NAV1: variants seen among roughly 807,000 people sequenced by gnomAD.
NAV1 encodes neuron navigator 1, also known as pore membrane and/or filament interacting like protein 3.
NAV1 carries 18 observed loss-of-function variants against 175.2 expected under a neutral mutation model. The ratio of observed to expected loss-of-function variants is 0.10; its 90% confidence interval spans 0.07 to 0.15. The LOEUF (loss-of-function observed/expected upper bound fraction) is 0.15, where lower values mean the gene tolerates loss of function less well. Ranked by LOEUF, NAV1 falls within the 10% of genes least tolerant of loss-of-function variation. The pLI, the probability that NAV1 is intolerant of heterozygous loss-of-function variation, is 1.00. For missense variants in NAV1, 1,731 were observed against 2,436.6 expected (o/e 0.71, Z 6.10); for synonymous variants, 897 against 978.7 (o/e 0.92, Z 1.56).
rs1017690765 is a variant in NAV1, at chr1:201,661,469, TG to T, written c.757+12046del. 2.0e-5 allele frequency among the ~76,000 whole-genome samples: 3 copies of T among 152,196 alleles called. 1 individual carries two copies. Among genetic ancestry groups the T allele is most frequent in the African/African-American group, 7.2e-5 (3 of 41,512 alleles). ...TGTACAGGAAGAAATAGGGCCAAAA[TG>T]GCTGGGATGAGGATAACTAGAATGG... On this transcript the variant is annotated intron_variant, in intron 1 of 29. Transcript: ENST00000367296.
At chr1:201,819,771 T>TTTCCCTTC in intron 29 of NAV1, 66 bp from the exon 34 acceptor site, 1 of 1,413,926 alleles carries the variant, frequency 7.1e-7, no homozygotes, top group Admixed American at 1.7e-5. Context: ...GTTGTTGTTG[T>TTTCCCTTC]TTCCCTTCTG....
chr1:201,614,066 G>C (rs1316015672), intron 2 of NAV1, among the ~76,000 whole-genome samples: 1 of 151,778 alleles, frequency 6.6e-6, no homozygotes, highest in Admixed American at 6.6e-5. Flanking sequence ...GGGGGCGAGT[G>C]GGGAGAGGGG....
intron 2 of NAV1, among the ~76,000 whole-genome samples, chr1:201,602,804 T>G (rs1667563428): frequency 6.6e-6 from 1 of 151,902 alleles, no homozygotes; most frequent in Non-Finnish European, 1.5e-5. Flanking sequence ...ACCCCTCAGC[T>G]CCTACTCACA....
Position 201,657,396 on chromosome 1 carries a change from A to T in NAV1, c.757+7971A>T, listed in dbSNP as rs75990045. Among the ~76,000 whole-genome samples, 40 of 152,382 alleles carry T rather than the reference A, an allele frequency of 2.6e-4. No homozygotes were observed. In the East Asian group the frequency reaches 6.7e-3, roughly 26 times the overall value. ...CTGAATTTGCTCTCTGGATGCTTAC[A>T]GATGAAGCTAGCCTGCATTTCCCAG... On this transcript the variant is annotated intron_variant, in intron 1 of 29. Coordinates refer to ENST00000367296, the Ensembl canonical transcript of NAV1.
rs1553247053 is a variant in NAV1 at position 201,642,525 on chromosome 1, T to TTTTTCTTTCTTTCTTTC, written c.5-6106_5-6105insTCTTTCTTTCTTTCTTT. Among the ~76,000 whole-genome samples the TTTTTCTTTCTTTCTTTC allele has an allele frequency of 6.7e-4, 67 of 100,406 alleles. 1 individual carries two copies. Among genetic ancestry groups the TTTTTCTTTCTTTCTTTC allele is most frequent in the African/African-American group, 2.7e-3 (62 of 23,212 alleles). 65.9% of individuals were successfully genotyped at this position (100,406 alleles called of 152,430 possible). A position where few individuals can be genotyped will look rare whatever the true frequency, so the allele number is the denominator to read the frequency against. On this transcript the variant is annotated intron_variant, in intron 2 of 29. Transcript: ENST00000367302. ...CCGCACCCGGCCTCTTTCTTTCTTTTTTTCTTTCTTTCTTTCTTTCTTTCT... is the reference window on the plus strand; with the variant it reads ...CCGCACCCGGCCTCTTTCTTTCTTTTTTTTCTTTCTTTCTTTCTTTCTTTCTTTCTTTCTTTCTTTCT...
In NAV1 at chr1:201,648,625, T is replaced by C. The variant is rs982158749; in HGVS notation, c.-44T>C. 5 of 1,285,224 alleles carry C rather than the reference T, an allele frequency of 3.9e-6. No homozygotes were observed. Among genetic ancestry groups the C allele is most frequent in the South Asian group, 2.7e-5 (1 of 36,580 alleles). 79.6% of individuals were successfully genotyped at this position (1,285,224 alleles called of 1,614,324 possible). A position where few individuals can be genotyped will look rare whatever the true frequency, so the allele number is the denominator to read the frequency against. On this transcript the variant is annotated 5_prime_UTR_variant, in exon 1 of 30. Coordinates refer to ENST00000367296, the Ensembl canonical transcript of NAV1. The stretch of plus-strand genomic sequence containing the variant: ...TCCCGCCCCCTGCCCCCTCCCCCCG[T>C]GCCTGCAGACGCGCGGATCGTCCAT...
intron 2 of NAV1, among the ~76,000 whole-genome samples, chr1:201,598,027 G>A (rs559921257): frequency 1.3e-5 from 2 of 152,304 alleles, no homozygotes; most frequent in South Asian, 2.1e-4. Context: ...TGTCTACTAC[G>A]TGCCAGGCAT....
intron 1 of NAV1, among the ~76,000 whole-genome samples, chr1:201,698,955 G>A (rs1304368400): frequency 1.3e-5 from 2 of 152,208 alleles, no homozygotes; most frequent in Non-Finnish European, 2.9e-5. Flanking sequence ...ACCTGAAGAC[G>A]GGCCCGCTCT....
At position 201,718,371 on chromosome 1, in the gene NAV1, C is replaced by G; in HGVS notation, c.861-19C>G. 1 of 1,518,368 alleles carries G rather than the reference C, an allele frequency of 6.6e-7. No individual in the cohort carries two copies. The highest frequency in any genetic ancestry group is 8.8e-7 in the Non-Finnish European group (1 of 1,130,072). The allele number at this position is 1,518,368 out of a possible 1,614,324, so 94.1% of individuals were successfully genotyped here. A position where few individuals can be genotyped will look rare whatever the true frequency, so the allele number is the denominator to read the frequency against. The stretch of plus-strand genomic sequence containing the variant: ...CGGCTGTGCCAAGGACTAAGTAGTG[C>G]CTTCTGCTCTCCACCCAGCTCCCTG... On this transcript the variant is annotated intron_variant, in intron 2 of 29. Coordinates refer to ENST00000367296, the Ensembl canonical transcript of NAV1. This position sits in a 1 kb window ranked among gnomAD's most constrained non-coding sequence, Gnocchi z 4.8.
chr1:201,774,155 T>C (rs1675779430), intron 3 of NAV1, among the ~76,000 whole-genome samples: 2 of 152,192 alleles, frequency 1.3e-5, no homozygotes, highest in Admixed American at 1.3e-4. Context: ...TTGAGATCTA[T>C]GTGAGAAACA....
At chr1:201,639,441 C>T (rs113972545) in intron 2 of NAV1, among the ~76,000 whole-genome samples, 4,192 of 152,288 alleles carry the variant, frequency 0.028, 79 homozygotes, top group Middle Eastern at 0.071. Context: ...GGAGAAACCC[C>T]GTGCCTTGTT....
At chr1:201,760,241 G>A (rs1346292322) in intron 3 of NAV1, among the ~76,000 whole-genome samples, 3 of 152,162 alleles carry the variant, frequency 2.0e-5, no homozygotes, top group African/African-American at 7.2e-5. Flanking sequence ...CCAGGCGGGT[G>A]GATCGCTTAA....
intron 1 of NAV1, among the ~76,000 whole-genome samples, chr1:201,569,353 C>T (rs1571825687): frequency 6.6e-6 from 1 of 152,198 alleles, no homozygotes; most frequent in African/African-American, 2.4e-5. Context: ...CAGCCCAGAG[C>T]TAGCTTCGAT....
chr1:201,631,271 C>T (rs1007128560), intron 2 of NAV1, among the ~76,000 whole-genome samples: 1 of 152,124 alleles, frequency 6.6e-6, no homozygotes, highest in African/African-American at 2.4e-5. Flanking sequence ...AGAGAGATTT[C>T]GGATTTGCCT....
At chr1:201,669,472 A>G (rs522869) in intron 1 of NAV1, among the ~76,000 whole-genome samples, 25,977 of 152,012 alleles carry the variant, frequency 0.17, 2,625 homozygotes, top group African/African-American at 0.28. Flanking sequence ...TGCAACATGA[A>G]GCTGGGAAGA....
chr1:201,747,385 A>G (rs1019031381), intron 3 of NAV1, among the ~76,000 whole-genome samples: 2 of 152,214 alleles, frequency 1.3e-5, no homozygotes, highest in Non-Finnish European at 2.9e-5. Flanking sequence ...CAACTGTACG[A>G]TTTTAAAAAT....
At chr1:201,617,584 A>G (rs1286014954) in intron 2 of NAV1, among the ~76,000 whole-genome samples, 2 of 152,136 alleles carry the variant, frequency 1.3e-5, no homozygotes, top group Non-Finnish European at 2.9e-5. Flanking sequence ...AAATTAGCCC[A>G]GTGTGGTGGT....
chr1:201,787,826 C>A lies in NAV1; in HGVS notation c.2996-642C>A. On this transcript the variant is annotated intron_variant, in intron 9 of 29. Coordinates refer to ENST00000367296, the Ensembl canonical transcript of NAV1. This position sits in a 1 kb window ranked among gnomAD's most constrained non-coding sequence, Gnocchi z 4.3. ...GAACCCAGCTTCAAAGCACATTCCACAAGCCTTACCTGACACTTTCACCTG... is the reference window on the plus strand; with the variant it reads ...GAACCCAGCTTCAAAGCACATTCCAAAAGCCTTACCTGACACTTTCACCTG... 1 of 408,308 alleles carries A rather than the reference C, an allele frequency of 2.4e-6. No homozygotes were observed. The highest frequency in any genetic ancestry group is 1.8e-5 in the South Asian group (1 of 55,400). The allele number at this position is 408,308 out of a possible 1,614,324, so 25.3% of individuals were successfully genotyped here.
intron 15 of NAV1, among the ~76,000 whole-genome samples, chr1:201,801,687 G>A (rs1245289044): frequency 1.3e-5 from 2 of 152,126 alleles, no homozygotes; most frequent in African/African-American, 4.8e-5. Flanking sequence ...TAAGTGAAAT[G>A]TGCAGAGGAC....
Sources: allele counts gnomAD v4.1 joint callset (sites outside exome capture counted in the v4.1 genomes callset), GRCh38; gene constraint gnomAD v4.1.1; non-coding constraint Gnocchi (gnomAD v3.1); transcripts MANE v1.5; gene names NCBI Gene and HGNC (gene_info 2026-07-23, HGNC 2026-07-21).